The following ASAP2 variants were observed in gnomAD, a reference collection of about 807,000 sequenced individuals.
ASAP2 encodes the protein ArfGAP with SH3 domain, ankyrin repeat and PH domain 2.
ASAP2 carries 45 observed loss-of-function variants against 131.4 expected under a neutral mutation model. The ratio of observed to expected loss-of-function variants is 0.34; its 90% CI spans 0.27 to 0.44. ASAP2 has a LOEUF of 0.44. Ranked by LOEUF, ASAP2 falls within the 20% of genes least tolerant of loss-of-function variation. The pLI is 1.00. For missense variants in ASAP2, 1,011 were observed against 1,297.0 expected, an observed-to-expected ratio of 0.78 and a Z score of 3.39; for synonymous variants, 510 against 503.0, an observed-to-expected ratio of 1.01 and a Z score of -0.19.
At chr2:9,331,373 A>G (rs575735215) in intron 7 of ASAP2, among the ~76,000 whole-genome samples, 1 of 152,330 alleles carries the variant, frequency 6.6e-6, no homozygotes, top group East Asian at 1.9e-4. Flanking sequence ...TTCCTGGAAT[A>G]TCTTGAAAAC....
At chr2:9,370,180 C>T (rs181410974) in intron 16 of ASAP2, among the ~76,000 whole-genome samples, 10 of 152,192 alleles carry the variant, frequency 6.6e-5, no homozygotes, top group African/African-American at 2.2e-4. Flanking sequence ...CTTTGAGAAA[C>T]GGAGATTGCA....
At chr2:9,402,437 C>T (rs530230892) in intron 27 of ASAP2, among the ~76,000 whole-genome samples, 1 of 152,316 alleles carries the variant, frequency 6.6e-6, no homozygotes, top group African/African-American at 2.4e-5. Context: ...CGAGACCAGC[C>T]TGGCCAACAT....
intron 3 of ASAP2, among the ~76,000 whole-genome samples, chr2:9,301,011 G>C (rs1004212751): frequency 2.0e-5 from 3 of 152,266 alleles, no homozygotes; most frequent in Non-Finnish European, 4.4e-5. Context: ...CCCAGTGGCG[G>C]CTCCTGCAAA....
chr2:9,273,231 G>C (rs184042469), intron 1 of ASAP2, among the ~76,000 whole-genome samples: 2 of 152,000 alleles, frequency 1.3e-5, no homozygotes, highest in African/African-American at 4.8e-5. Flanking sequence ...TTACATCATC[G>C]TTTTATAGTT....
At position 9,217,326 on chromosome 2, in the gene ASAP2, T is replaced by C. The variant is rs181376824; in HGVS notation, c.126+10096T>C. On this transcript the variant is annotated intron_variant, in intron 1 of 27. Transcript: ENST00000281419. The surrounding 1 kb of genome is among the most constrained non-coding windows in gnomAD (Gnocchi z 4.0). ...CTGCAGAAATTGTTCTTCTTTCCTC[T>C]CCTCACTGCTCTGCTGACATGCCCA... Among the ~76,000 whole-genome samples the C allele has an allele frequency of 2.8e-4, 42 of 152,306 alleles. 1 individual carries two copies. The highest frequency in any genetic ancestry group is 3.4e-3 in the Middle Eastern group (1 of 294).
chr2:9,247,767 G>A (rs1027508905), intron 1 of ASAP2, among the ~76,000 whole-genome samples: 4 of 152,182 alleles, frequency 2.6e-5, no homozygotes, highest in Admixed American at 6.5e-5. Context: ...TTTTGCACTT[G>A]CTAACAGTTC....
chr2:9,369,359 CAG>C (rs895635058), intron 16 of ASAP2, among the ~76,000 whole-genome samples: 2 of 152,152 alleles, frequency 1.3e-5, no homozygotes, highest in Admixed American at 6.5e-5. Context: ...GAGCTGACAA[CAG>C]GGAATGTTCT....
At chr2:9,235,640 G>A (rs1023259682) in intron 1 of ASAP2, among the ~76,000 whole-genome samples, 19 of 152,126 alleles carry the variant, frequency 1.2e-4, no homozygotes, top group Admixed American at 1.0e-3. Context: ...GGTAGCGTGC[G>A]GGAGGCAGGG....
At chr2:9,244,248 A>G (rs1314294804) in intron 1 of ASAP2, among the ~76,000 whole-genome samples, 2 of 152,186 alleles carry the variant, frequency 1.3e-5, no homozygotes, top group African/African-American at 4.8e-5. Flanking sequence ...GTGAGCCAAG[A>G]TCGCGCCACT....
intron 9 of ASAP2, among the ~76,000 whole-genome samples, chr2:9,339,494 A>G (rs1223980100): frequency 6.6e-6 from 1 of 152,084 alleles, no homozygotes; most frequent in Non-Finnish European, 1.5e-5. Context: ...TATCTTAATA[A>G]TAGTAAAATT....
intron 15 of ASAP2, among the ~76,000 whole-genome samples, chr2:9,366,034 G>A (rs1673449397): frequency 1.3e-5 from 2 of 152,126 alleles, no homozygotes; most frequent in South Asian, 4.1e-4. Context: ...GGCTCAGGTC[G>A]ACAGCCACCT....
chr2:9,218,361 A>G (rs896030449), intron 1 of ASAP2, among the ~76,000 whole-genome samples: 2 of 152,188 alleles, frequency 1.3e-5, no homozygotes, highest in Admixed American at 6.5e-5. Flanking sequence ...ACCTTGACCA[A>G]TTGGCCTCCT....
chr2:9,258,962 G>A (rs898475208), intron 1 of ASAP2, among the ~76,000 whole-genome samples: 1 of 152,134 alleles, frequency 6.6e-6, no homozygotes, highest in Non-Finnish European at 1.5e-5. Flanking sequence ...TCCTCGGATT[G>A]CAGCCAGTTT....
At chr2:9,368,642 G>A (rs1673672479) in intron 16 of ASAP2, 123 bp downstream of exon 16, 1 of 756,248 alleles carries the variant, frequency 1.3e-6, no homozygotes, top group Non-Finnish European at 2.2e-6. Context: ...GAATAAATCA[G>A]CCTATGTTGG....
chr2:9,328,878 CA>C (rs1558335889), intron 7 of ASAP2, among the ~76,000 whole-genome samples: 6 of 152,188 alleles, frequency 3.9e-5, no homozygotes, highest in Admixed American at 2.0e-4. Flanking sequence ...TAGATGTTTA[CA>C]AAATTGTTTT....
chr2:9,388,177 ATGG>A (rs1399283868), intron 21 of ASAP2, 114 bp from the exon 22 acceptor site: 1 of 1,342,130 alleles, frequency 7.5e-7, no homozygotes, highest in Admixed American at 2.4e-5. Context: ...GAGAGCTCAA[ATGG>A]TACCAGGCCC....
rs575846134 is a variant in ASAP2 at position 9,348,776 on chromosome 2, C to G, written c.1024-2032C>G. Among the ~76,000 whole-genome samples the G allele has an allele frequency of 5.9e-5, 9 of 152,286 alleles. No homozygotes were observed. The South Asian group carries it at 1.2e-3, about 21-fold the overall frequency. On this transcript the variant is annotated intron_variant, in intron 11 of 27. Transcript: ENST00000281419. ...TTTGATAGTAGTTAAGAACGAACAC[C>G]TTTCCCCGTATCACAGGGAAAAAGG...
At chr2:9,372,472 G>A (rs774315393) in intron 16 of ASAP2, among the ~76,000 whole-genome samples, 2 of 152,150 alleles carry the variant, frequency 1.3e-5, no homozygotes, top group Non-Finnish European at 2.9e-5. Flanking sequence ...GCAAAATGAT[G>A]TATAAGAAAC....
intron 20 of ASAP2, among the ~76,000 whole-genome samples, chr2:9,384,586 T>A (rs576793455): frequency 6.6e-6 from 1 of 152,208 alleles, no homozygotes; most frequent in Admixed American, 6.5e-5. Flanking sequence ...TTTGAATAAT[T>A]TGCTGGAGTG....
Sources: allele counts gnomAD v4.1 joint callset (sites outside exome capture counted in the v4.1 genomes callset), GRCh38; gene constraint gnomAD v4.1.1; non-coding constraint Gnocchi (gnomAD v3.1); transcripts MANE v1.5; gene names NCBI Gene and HGNC (gene_info 2026-07-23, HGNC 2026-07-21).